CLUAP1: variants seen among roughly 807,000 people sequenced by gnomAD.
CLUAP1 encodes intraflagellar transport 38.
Under a neutral mutation model 55.0 loss-of-function variants are expected in CLUAP1, and 50 were observed. The observed-to-expected ratio is 0.91, with a 90% CI of 0.72 to 1.15. CLUAP1 has a LOEUF of 1.15. CLUAP1 is among the 50% of genes most tolerant of loss of function. The pLI is 0.00. For missense variants in CLUAP1, 530 were observed against 507.6 expected (o/e 1.04, Z -0.42); for synonymous variants, 195 against 175.4 (o/e 1.11, Z -0.88).
the CLUAP1 span, chr16:3,495,463 G>A: frequency 4.4e-6 from 7 of 1,599,410 alleles, no homozygotes; most frequent in Non-Finnish European, 6.0e-6. Flanking sequence ...GGACTTGGGT[G>A]CAGCAGGGCC....
chr16:3,508,568 T>G, intron 4 of CLUAP1, 100 bp downstream of exon 4: 1 of 1,102,840 alleles, frequency 9.1e-7, no homozygotes, highest in Non-Finnish European at 1.2e-6. Context: ...TTCTTCCTCC[T>G]CAGCTGAGGG....
At chr16:3,521,939 G>A (rs905026144) in intron 7 of CLUAP1, among the ~76,000 whole-genome samples, 2 of 151,828 alleles carry the variant, frequency 1.3e-5, no homozygotes, top group African/African-American at 4.8e-5. Flanking sequence ...CATGTCTGTA[G>A]TCCCAGCTAC....
intron 10 of CLUAP1, 103 bp downstream of exon 10, chr16:3,530,778 C>T: frequency 2.6e-6 from 2 of 780,700 alleles, no homozygotes; most frequent in South Asian, 3.2e-5. Context: ...CACAAGCGTG[C>T]TGCGAATGGC....
At chr16:3,500,595 T>C (rs2037371378), upstream of CLUAP1, among the ~76,000 whole-genome samples, 1 of 152,162 alleles carries the variant, frequency 6.6e-6, no homozygotes, top group South Asian at 2.1e-4. Context: ...GGTCTCGAAC[T>C]CCTGACCTCA....
rs765807717 is a variant in CLUAP1 at position 3,508,357 on chromosome 16, G to C, written c.288G>C (p.Glu96Asp). Residue 96 changes from glutamate to aspartate, a missense_variant, in exon 4 of 12, where the codon GAG becomes GAC. Physicochemically the swap from Glu to Asp is conservative, Grantham distance 45 (BLOSUM62 2). Transcript: ENST00000576634. The part of the protein sequence containing the change: ...LYQADGYAVK[E>D]LLKITSVLYN... ...AAGCAGATGGGTATGCGGTAAAAGA[G>C]CTGCTGAAGATCACATCTGTCCTTT... 4.3e-6 allele frequency: 7 copies of C among 1,610,410 alleles called. No homozygotes were observed. The African/African-American group carries it at 9.4e-5, about 22-fold the overall frequency.
intron 9 of CLUAP1, among the ~76,000 whole-genome samples, chr16:3,529,635 AT>A (rs1396994671): frequency 2.9e-4 from 8 of 27,798 alleles, no homozygotes; most frequent in African/African-American, 1.2e-3. Flanking sequence ...ATTATATATT[AT>A]TATATATTAT....
At chr16:3,512,232 C>T in intron 4 of CLUAP1, 151 bp from the exon 5 acceptor site, 1 of 503,280 alleles carries the variant, frequency 2.0e-6, no homozygotes, top group Non-Finnish European at 3.6e-6. Flanking sequence ...CATGGTGGTT[C>T]TGCCTATAAT....
In CLUAP1 at chr16:3,530,693, G is replaced by A. The variant is rs376295237; in HGVS notation, c.1036+18G>A. ...CATGCAAGGTACCCCGGCGTCTTTC[G>A]CTGGACTTCCTCCCTGCGCCCTGTT... On this transcript the variant is annotated intron_variant, in intron 10 of 11. Coordinates refer to ENST00000576634, the MANE Select transcript of CLUAP1 (RefSeq NM_015041.3). The A allele has an allele frequency of 1.6e-5, 25 of 1,598,844 alleles. No individual in the cohort carries two copies. The Admixed American group carries it at 1.8e-4, about 12-fold the overall frequency.
chr16:3,526,422 A>T lies in CLUAP1; in HGVS notation c.866A>T (p.Asn289Ile), dbSNP rs768775563. The T allele has an allele frequency of 2.5e-6, 4 of 1,605,122 alleles. No homozygotes were observed. The South Asian group carries it at 3.4e-5, about 14-fold the overall frequency. ...TTTCCTCTTCCACAGGAAGCTAAAA[A>T]CACTCTCTGCCTGATACAGAACAAG... ...MEQERFEEAK[N>I]TLCLIQNKLK... The change falls in exon 9 of 12, where the codon AAC (asparagine) becomes ATC (isoleucine). Residue 289 changes from asparagine (N) to isoleucine (I), a missense_variant. Coordinates refer to ENST00000576634, the MANE Select transcript of CLUAP1 (RefSeq NM_015041.3).
At chr16:3,515,637 C>A in intron 6 of CLUAP1, 46 bp downstream of exon 6, 1 of 1,296,296 alleles carries the variant, frequency 7.7e-7, no homozygotes, top group South Asian at 1.3e-5. Context: ...GCCTGGGATT[C>A]AAAAATACTG....
chr16:3,519,686 TG>T (rs1403482288), intron 6 of CLUAP1, among the ~76,000 whole-genome samples: 1 of 151,942 alleles, frequency 6.6e-6, no homozygotes, highest in Non-Finnish European at 1.5e-5. Context: ...CTGCTTTTCA[TG>T]GGGAAAAAAA....
chr16:3,533,176 C>A, intron 11 of CLUAP1: 2 of 1,533,608 alleles, frequency 1.3e-6, no homozygotes, highest in Non-Finnish European at 1.7e-6. Context: ...TGTTCTGCCT[C>A]ATGTGTTTGT....
chr16:3,514,518 C>G (rs61385949), intron 5 of CLUAP1, among the ~76,000 whole-genome samples: 2,723 of 152,268 alleles, frequency 0.018, 89 homozygotes, highest in African/African-American at 0.058. Context: ...AAGCACAAGA[C>G]GAGTTTTGAC....
In CLUAP1 at chr16:3,536,354, C is replaced by T. The variant is rs143456139; in HGVS notation, c.*83C>T. ...ACTTAGAAGGTTAGGAAGGTAACCC[C>T]TGTTTTGTTTACTAAGCTGGCTGGA... On this transcript the variant is annotated 3_prime_UTR_variant, in exon 12 of 12. Transcript: ENST00000576634. The T allele has an allele frequency of 1.8e-4, 264 of 1,474,602 alleles. No homozygotes were observed. The African/African-American group carries it at 2.9e-3, about 16-fold the overall frequency. 91.3% of individuals were successfully genotyped at this position (1,474,602 alleles called of 1,614,324 possible). A position where few individuals can be genotyped will look rare whatever the true frequency, so the allele number is the denominator to read the frequency against.
At chr16:3,529,927 TATA>T (rs1054658822) in intron 9 of CLUAP1, among the ~76,000 whole-genome samples, 31 of 120,472 alleles carry the variant, frequency 2.6e-4, no homozygotes, top group South Asian at 1.4e-3. Context: ...TATTATTATA[TATA>T]ATAATATATG....
At chr16:3,505,213 G>A (rs560714835) in intron 2 of CLUAP1, among the ~76,000 whole-genome samples, 8 of 152,016 alleles carry the variant, frequency 5.3e-5, no homozygotes, top group East Asian at 1.9e-4. Flanking sequence ...ACACCAGCCC[G>A]GGCAGATTGA....
chr16:3,520,477 A>C (rs1017172083), intron 7 of CLUAP1, among the ~76,000 whole-genome samples: 4 of 152,166 alleles, frequency 2.6e-5, no homozygotes, highest in Admixed American at 1.3e-4. Flanking sequence ...GCCTTACATA[A>C]GGGTATCTTC....
At chr16:3,502,792 C>G (rs186270444) in intron 1 of CLUAP1, among the ~76,000 whole-genome samples, 35 of 152,244 alleles carry the variant, frequency 2.3e-4, no homozygotes, top group South Asian at 2.1e-4. Flanking sequence ...TTGGGGAGCG[C>G]ACACACGGAG....
upstream of CLUAP1, among the ~76,000 whole-genome samples, chr16:3,500,184 G>T (rs2037360253): frequency 2.0e-5 from 3 of 152,108 alleles, no homozygotes; most frequent in Non-Finnish European, 4.4e-5. Context: ...CGCGCGGCGC[G>T]AGCGGCTCAG....
Sources: allele counts gnomAD v4.1 joint callset (sites outside exome capture counted in the v4.1 genomes callset), GRCh38; gene constraint gnomAD v4.1.1; transcripts MANE v1.5; gene names NCBI Gene and HGNC (gene_info 2026-07-23, HGNC 2026-07-21).